RSRC1: variants seen among roughly 807,000 people sequenced by gnomAD.
The protein encoded by RSRC1 is serine/Arginine-related protein 53.
A neutral mutation model predicts 49.1 loss-of-function variants in RSRC1; 39 were observed. The observed-to-expected ratio is 0.79, with a 90% confidence interval of 0.61 to 1.04. RSRC1 has a LOEUF of 1.04. Ranked by LOEUF, RSRC1 falls within the 50% of genes least tolerant of loss-of-function variation. The pLI is 0.00. For synonymous variants in RSRC1, 143 were observed against 130.8 expected, an observed-to-expected ratio of 1.09 and a Z score of -0.63; for missense variants, 388 against 402.4, an observed-to-expected ratio of 0.96 and a Z score of 0.31.
intron 3 of RSRC1, among the ~76,000 whole-genome samples, chr3:158,124,496 A>G (rs543491148): frequency 1.3e-5 from 2 of 152,176 alleles, no homozygotes; most frequent in African/African-American, 4.8e-5. Flanking sequence ...AAGGATTGAC[A>G]TTAATTTCTT....
intron 3 of RSRC1, among the ~76,000 whole-genome samples, chr3:158,195,526 G>A (rs1055853216): frequency 6.6e-6 from 1 of 151,978 alleles, no homozygotes; most frequent in African/African-American, 2.4e-5. Context: ...GTCAGTTTTG[G>A]CTTTTGTTGC....
chr3:158,384,706 G>A (rs1161321031), intron 6 of RSRC1, among the ~76,000 whole-genome samples: 1 of 152,094 alleles, frequency 6.6e-6, no homozygotes, highest in Non-Finnish European at 1.5e-5. Flanking sequence ...AAGAAATGTA[G>A]CCACTGTCAA....
chr3:158,124,752 G>GT (rs1715506673), intron 3 of RSRC1, among the ~76,000 whole-genome samples: 1 of 150,504 alleles, frequency 6.6e-6, no homozygotes, highest in Non-Finnish European at 1.5e-5. Flanking sequence ...GGCATCAACT[G>GT]TAATGTCTGC....
intron 4 of RSRC1, among the ~76,000 whole-genome samples, chr3:158,209,370 C>T (rs1721531604): frequency 6.6e-6 from 1 of 152,096 alleles, no homozygotes. Flanking sequence ...AGTTCATCAT[C>T]AGATGCTGGC....
chr3:158,194,565 T>C (rs555207723), intron 3 of RSRC1, among the ~76,000 whole-genome samples: 2 of 151,532 alleles, frequency 1.3e-5, no homozygotes, highest in South Asian at 4.2e-4. Flanking sequence ...GTTACATATG[T>C]ATACATGTGC....
chr3:158,148,494 T>G (rs1285472268), intron 3 of RSRC1, among the ~76,000 whole-genome samples: 1 of 152,074 alleles, frequency 6.6e-6, no homozygotes, highest in Non-Finnish European at 1.5e-5. Flanking sequence ...TTTCAATCCC[T>G]TTTTCATGAC....
At chr3:158,172,417 CAGTT>C (rs1049644255) in intron 3 of RSRC1, among the ~76,000 whole-genome samples, 25 of 152,236 alleles carry the variant, frequency 1.6e-4, no homozygotes, top group Non-Finnish European at 2.6e-4. Context: ...TAACTGGGAA[CAGTT>C]AGGAATAAGG....
At chr3:158,348,640 A>C (rs759247291) in intron 5 of RSRC1, among the ~76,000 whole-genome samples, 1 of 151,714 alleles carries the variant, frequency 6.6e-6, no homozygotes, top group African/African-American at 2.4e-5. Flanking sequence ...CATGTTTATT[A>C]CAAGTGTAAT....
At chr3:158,184,867 A>G (rs1719835673) in intron 3 of RSRC1, among the ~76,000 whole-genome samples, 1 of 152,086 alleles carries the variant, frequency 6.6e-6, no homozygotes, top group East Asian at 1.9e-4. Flanking sequence ...TTTCATATGA[A>G]TAAACTGTAA....
chr3:158,467,800 G>A (rs1243379319), intron 7 of RSRC1, among the ~76,000 whole-genome samples: 1 of 152,122 alleles, frequency 6.6e-6, no homozygotes, highest in Non-Finnish European at 1.5e-5. Flanking sequence ...TTCAGAAACT[G>A]TATTTTGTGT....
intron 6 of RSRC1, among the ~76,000 whole-genome samples, chr3:158,451,252 T>C (rs892511019): frequency 1.3e-5 from 2 of 151,924 alleles, no homozygotes; most frequent in Non-Finnish European, 2.9e-5. Flanking sequence ...GCTGAGACAT[T>C]AAAAATAACA....
At chr3:158,439,015 G>A (rs1484229812) in intron 6 of RSRC1, among the ~76,000 whole-genome samples, 7 of 152,008 alleles carry the variant, frequency 4.6e-5, no homozygotes, top group South Asian at 2.1e-4. Context: ...ATATGAAGAG[G>A]CACTTCTCAA....
chr3:158,131,997 C>T, intron 3 of RSRC1: 4 of 237,824 alleles, frequency 1.7e-5, no homozygotes, highest in East Asian at 9.8e-5. Context: ...TTTATTTATT[C>T]ATTTGAGACA....
chr3:158,430,074 A>C (rs201555016), intron 6 of RSRC1, among the ~76,000 whole-genome samples: 108 of 110,542 alleles, frequency 9.8e-4, no homozygotes, highest in East Asian at 2.2e-3. Flanking sequence ...CACACACACA[A>C]AAAAAATAAA....
rs537033299 is a variant in RSRC1, at chr3:158,315,715, A to G, written c.531+17640A>G. On this transcript the variant is annotated intron_variant, in intron 5 of 9. Coordinates refer to ENST00000611884, the MANE Select transcript of RSRC1 (RefSeq NM_001271838.2). ...TTCCAAAATTTTGATTTATTACTAG[A>G]CAGATTTACTTGCTTGTTTTATGTT... is the stretch of plus-strand genomic sequence containing the variant. 6.6e-5 allele frequency among the ~76,000 whole-genome samples: 10 copies of G among 152,280 alleles called. No homozygotes were observed. The South Asian group carries it at 1.5e-3, about 22-fold the overall frequency.
Position 158,474,546 on chromosome 3 carries a change from T to C in RSRC1, c.652+13543T>C, listed in dbSNP as rs1738284868. On this transcript the variant is annotated intron_variant, in intron 7 of 9. Transcript: ENST00000611884. ...AATGAAGTTTGCTGCATTGATTGAC[T>C]CTTCCTATCATGAAAGACTTCTCTA... Among the ~76,000 whole-genome samples the C allele has an allele frequency of 2.0e-5, 3 of 152,214 alleles. No homozygotes were observed. In the South Asian group the frequency reaches 6.2e-4, roughly 32 times the overall value.
intron 3 of RSRC1, among the ~76,000 whole-genome samples, chr3:158,145,902 T>C (rs2108203856): frequency 6.6e-6 from 1 of 152,334 alleles, no homozygotes; most frequent in Admixed American, 6.5e-5. Flanking sequence ...CAATTGTGAA[T>C]GGGAGTTCAC....
chr3:158,421,950 C>G (rs1735084320), intron 6 of RSRC1, among the ~76,000 whole-genome samples: 1 of 151,810 alleles, frequency 6.6e-6, no homozygotes, highest in Non-Finnish European at 1.5e-5. Flanking sequence ...TTATTCATCC[C>G]TATCCATTCC....
chr3:158,169,405 TTATTCTTCCCACCCTGGAAGTG>T (rs1455518302), intron 3 of RSRC1, among the ~76,000 whole-genome samples: 1 of 152,100 alleles, frequency 6.6e-6, no homozygotes, highest in Non-Finnish European at 1.5e-5. Context: ...AATCCCTATC[TTATTCTTCCCACCCTGGAAGTG>T]TTTGCTTCTG....
Sources: allele counts gnomAD v4.1 joint callset (sites outside exome capture counted in the v4.1 genomes callset), GRCh38; gene constraint gnomAD v4.1.1; transcripts MANE v1.5; gene names NCBI Gene and HGNC (gene_info 2026-07-23, HGNC 2026-07-21).